The following ITPR1 variants were observed in gnomAD, a reference collection of about 807,000 sequenced individuals.
ITPR1 encodes inositol 1,4,5-trisphosphate-gated calcium channel ITPR1.
ITPR1 carries 96 observed loss-of-function variants against 318.4 expected under a neutral mutation model. That is an observed-to-expected ratio of 0.30 (90% CI 0.26 to 0.36). The LOEUF (loss-of-function observed/expected upper bound fraction) is 0.36, where lower values mean the gene tolerates loss of function less well. Ranked by LOEUF, ITPR1 falls within the 10% of genes least tolerant of loss-of-function variation. The pLI is 1.00. For missense variants in ITPR1, 2,440 were observed against 3,460.2 expected, an observed-to-expected ratio of 0.71 and a Z score of 7.40; for synonymous variants, 1,312 against 1,289.9, an observed-to-expected ratio of 1.02 and a Z score of -0.37.
chr3:4,566,968 A>G (rs1362929275), intron 4 of ITPR1, among the ~76,000 whole-genome samples: 7 of 152,160 alleles, frequency 4.6e-5, no homozygotes, highest in South Asian at 4.1e-4. Flanking sequence ...AGGTAATGCA[A>G]TGTAGGTTAA....
chr3:4,813,312 G>A, intron 57 of ITPR1, 78 bp downstream of exon 57: 1 of 1,012,790 alleles, frequency 9.9e-7, no homozygotes, highest in Non-Finnish European at 1.5e-6. Flanking sequence ...GATGTTGGAA[G>A]AAGATTAAAT....
At chr3:4,622,620 C>T (rs1482383773) in intron 4 of ITPR1, among the ~76,000 whole-genome samples, 1 of 151,984 alleles carries the variant, frequency 6.6e-6, no homozygotes, top group Non-Finnish European at 1.5e-5. Flanking sequence ...CACGGGGTTT[C>T]ACCATGTTGG....
At chr3:4,646,978 A>C (rs2093472463) in intron 10 of ITPR1, among the ~76,000 whole-genome samples, 1 of 152,072 alleles carries the variant, frequency 6.6e-6, no homozygotes, top group Non-Finnish European at 1.5e-5. Flanking sequence ...CAACTCAATG[A>C]ATTTTTACGT....
intron 2 of ITPR1, among the ~76,000 whole-genome samples, chr3:4,515,837 C>G (rs1034136898): frequency 2.6e-5 from 4 of 152,158 alleles, no homozygotes; most frequent in Non-Finnish European, 5.9e-5. Context: ...TTTTCATCCT[C>G]TGGAAGTGTT....
chr3:4,550,711 C>T (rs994389868), intron 4 of ITPR1, among the ~76,000 whole-genome samples: 10 of 151,932 alleles, frequency 6.6e-5, no homozygotes, highest in Non-Finnish European at 1.5e-4. Flanking sequence ...GAGATCCTGT[C>T]TCTACAAAAA....
intron 4 of ITPR1, among the ~76,000 whole-genome samples, chr3:4,566,228 G>A (rs1000492997): frequency 1.3e-5 from 2 of 152,190 alleles, no homozygotes; most frequent in Non-Finnish European, 2.9e-5. Context: ...TTCCAGGGCT[G>A]TATTCATTCC....
chr3:4,533,633 T>C (rs2083601827), intron 4 of ITPR1, among the ~76,000 whole-genome samples: 1 of 152,236 alleles, frequency 6.6e-6, no homozygotes, highest in South Asian at 2.1e-4. Flanking sequence ...AACATCGATA[T>C]GTCCGTTTTA....
chr3:4,739,850 G>C (rs575071546), intron 44 of ITPR1, among the ~76,000 whole-genome samples: 1 of 152,276 alleles, frequency 6.6e-6, no homozygotes, highest in African/African-American at 2.4e-5. Context: ...TCATATGACT[G>C]TGGCCATTGG....
intron 19 of ITPR1, among the ~76,000 whole-genome samples, chr3:4,670,018 G>A (rs1478156982): frequency 6.6e-6 from 1 of 152,096 alleles, no homozygotes; most frequent in African/African-American, 2.4e-5. Flanking sequence ...AACTCACCGG[G>A]GAGCATTTTA....
intron 2 of ITPR1, among the ~76,000 whole-genome samples, chr3:4,509,547 T>G (rs1453163648): frequency 1.3e-5 from 2 of 152,188 alleles, no homozygotes; most frequent in African/African-American, 2.4e-5. Context: ...ATTCCAGCAC[T>G]TTGAGAGGCT....
At chr3:4,807,267 C>T (rs888063160) in intron 55 of ITPR1, among the ~76,000 whole-genome samples, 3 of 152,124 alleles carry the variant, frequency 2.0e-5, no homozygotes, top group East Asian at 1.9e-4. Flanking sequence ...CATCCAGCCA[C>T]GATCTAGTTT....
At chr3:4,777,856 T>A (rs1311075719) in intron 48 of ITPR1, among the ~76,000 whole-genome samples, 1 of 152,150 alleles carries the variant, frequency 6.6e-6, no homozygotes, top group Non-Finnish European at 1.5e-5. Context: ...TTTTCTCTTT[T>A]GTCACTGATT....
chr3:4,658,922 A>G (rs962466886), intron 13 of ITPR1, among the ~76,000 whole-genome samples: 2 of 152,156 alleles, frequency 1.3e-5, no homozygotes, highest in African/African-American at 4.8e-5. Context: ...TAAGTACTCT[A>G]CTTGTGTTAT....
chr3:4,518,393 C>A (rs2082314638), intron 3 of ITPR1, among the ~76,000 whole-genome samples: 2 of 152,234 alleles, frequency 1.3e-5, no homozygotes, highest in Admixed American at 1.3e-4. Context: ...TGAGTCCCTC[C>A]TGCCCTTTTA....
chr3:4,658,889 T>C (rs2093771068), intron 13 of ITPR1, among the ~76,000 whole-genome samples: 1 of 152,180 alleles, frequency 6.6e-6, no homozygotes, highest in African/African-American at 2.4e-5. Context: ...TATTGAGCGC[T>C]GACTGCATGC....
intron 55 of ITPR1, among the ~76,000 whole-genome samples, chr3:4,808,423 A>G (rs1318674333): frequency 6.6e-6 from 1 of 152,202 alleles, no homozygotes; most frequent in Non-Finnish European, 1.5e-5. Flanking sequence ...TTCACGTTCC[A>G]GTTTGCATCT....
chr3:4,766,754 G>C, intron 45 of ITPR1, 44 bp downstream of exon 45: 1 of 1,449,288 alleles, frequency 6.9e-7, no homozygotes. Flanking sequence ...ATGAACACCA[G>C]AAGAGTCCTT....
intron 44 of ITPR1, among the ~76,000 whole-genome samples, chr3:4,741,101 C>T (rs1021591216): frequency 6.6e-6 from 1 of 152,150 alleles, no homozygotes; most frequent in Non-Finnish European, 1.5e-5. Flanking sequence ...TTCCCACCAG[C>T]GCCTGGGGGA....
At chr3:4,786,381 G>A (rs1267215813) in intron 51 of ITPR1, among the ~76,000 whole-genome samples, 1 of 152,222 alleles carries the variant, frequency 6.6e-6, no homozygotes, top group Non-Finnish European at 1.5e-5. Flanking sequence ...CTGGTCTAAA[G>A]ACCACACCCC....
Sources: allele counts gnomAD v4.1 joint callset (sites outside exome capture counted in the v4.1 genomes callset), GRCh38; gene constraint gnomAD v4.1.1; transcripts MANE v1.5; gene names NCBI Gene and HGNC (gene_info 2026-07-23, HGNC 2026-07-21).